Variants in PTPRG observed in about 807,000 individuals in gnomAD.
The protein encoded by PTPRG is receptor-type tyrosine-protein phosphatase gamma.
A neutral mutation model predicts 165.3 loss-of-function variants in PTPRG; 102 were observed. The observed-to-expected ratio is 0.62, with a 90% CI of 0.53 to 0.73. The LOEUF (loss-of-function observed/expected upper bound fraction) is 0.73. PTPRG is among the 30% of genes least tolerant of loss of function. The probability of loss-of-function intolerance (pLI) is 0.00; values close to 1 mark genes in which losing one functional copy is unlikely to be tolerated. For synonymous variants in PTPRG, 675 were observed against 669.5 expected (o/e 1.01, Z -0.13); for missense variants, 1,866 against 1,861.4 (o/e 1.00, Z -0.05).
At chr3:62,165,107 G>A (rs1411561782) in intron 7 of PTPRG, among the ~76,000 whole-genome samples, 1 of 152,154 alleles carries the variant, frequency 6.6e-6, no homozygotes, top group African/African-American at 2.4e-5. Context: ...CTCTGGACAT[G>A]GAGAAGAGCT....
chr3:62,198,285 A>T lies in PTPRG; in HGVS notation c.1327+3115A>T, dbSNP rs373061352. ...TGGTGCAGTAGGGGTTATTTTACAA[A>T]CAGGGAAATGATGGCTTGGGTGCAG... On this transcript the variant is annotated intron_variant, in intron 10 of 29. Coordinates refer to ENST00000474889, the MANE Select transcript of PTPRG (RefSeq NM_002841.4). Among the ~76,000 whole-genome samples, 3 of 152,184 alleles carry T rather than the reference A, an allele frequency of 2.0e-5. No individual in the cohort carries two copies. In the East Asian group the frequency reaches 5.8e-4, roughly 29 times the overall value.
At chr3:61,805,311 A>C (rs1039582176) in intron 2 of PTPRG, among the ~76,000 whole-genome samples, 2 of 152,152 alleles carry the variant, frequency 1.3e-5, no homozygotes, top group Non-Finnish European at 2.9e-5. Flanking sequence ...TCCCCACAAA[A>C]GAATGTTCTG....
At chr3:61,966,375 T>G (rs28658405) in intron 2 of PTPRG, among the ~76,000 whole-genome samples, 2 of 152,126 alleles carry the variant, frequency 1.3e-5, no homozygotes, top group African/African-American at 4.8e-5. Flanking sequence ...GTTATCCTGA[T>G]GAGTGGGGAA....
chr3:61,589,152 G>A (rs1358968317), intron 1 of PTPRG, among the ~76,000 whole-genome samples: 5 of 152,048 alleles, frequency 3.3e-5, no homozygotes, highest in Non-Finnish European at 7.3e-5. Flanking sequence ...CAAATTTCAG[G>A]TCCATAAGTA....
chr3:62,002,618 A>T (rs907135577), intron 3 of PTPRG, among the ~76,000 whole-genome samples: 1 of 152,112 alleles, frequency 6.6e-6, no homozygotes, highest in Non-Finnish European at 1.5e-5. Context: ...TTAGGGTTGG[A>T]ATTTAGTTGA....
chr3:62,134,817 T>C (rs955460912), intron 6 of PTPRG, among the ~76,000 whole-genome samples: 1 of 152,128 alleles, frequency 6.6e-6, no homozygotes, highest in Non-Finnish European at 1.5e-5. Flanking sequence ...CAAGTAAGCA[T>C]ACAAATAAAT....
At chr3:61,917,070 T>C (rs1285319323) in intron 2 of PTPRG, among the ~76,000 whole-genome samples, 1 of 152,190 alleles carries the variant, frequency 6.6e-6, no homozygotes, top group Non-Finnish European at 1.5e-5. Flanking sequence ...GAATCAGCTC[T>C]ACTGGCTGAT....
intron 1 of PTPRG, among the ~76,000 whole-genome samples, chr3:61,604,536 C>G (rs1353633040): frequency 1.3e-5 from 2 of 152,276 alleles, no homozygotes; most frequent in Non-Finnish European, 2.9e-5. Context: ...AGGTATTATT[C>G]TTTGTCACAT....
intron 1 of PTPRG, among the ~76,000 whole-genome samples, chr3:61,575,097 A>G (rs549875273): frequency 3.9e-5 from 6 of 152,346 alleles, no homozygotes; most frequent in African/African-American, 1.2e-4. Flanking sequence ...CTTTAGCGTT[A>G]GAGTTCTTTC....
At chr3:61,792,668 TTTTCTTTCTTTCTTTCTTTCTTTCTTTC>T (rs199609616) in intron 2 of PTPRG, among the ~76,000 whole-genome samples, 24,207 of 118,112 alleles carry the variant, frequency 0.2, 2,930 homozygotes, top group Non-Finnish European at 0.21. Flanking sequence ...TTTTTGTGGG[TTTTCTTTCTTTCTTTCTTTCTTTCTTTC>T]TTTCTTTCTT....
chr3:62,132,940 C>T (rs971644568), intron 6 of PTPRG, among the ~76,000 whole-genome samples: 70 of 152,188 alleles, frequency 4.6e-4, no homozygotes, highest in African/African-American at 1.5e-3. Context: ...ATGTACTATT[C>T]TTATGTGTTG....
chr3:61,784,218 C>T (rs2034627909), intron 2 of PTPRG, among the ~76,000 whole-genome samples: 1 of 152,154 alleles, frequency 6.6e-6, no homozygotes, highest in Non-Finnish European at 1.5e-5. Flanking sequence ...AGGAGCCTGC[C>T]ATCCTATTCC....
At chr3:62,153,807 G>A (rs1364874146) in intron 6 of PTPRG, among the ~76,000 whole-genome samples, 1 of 152,164 alleles carries the variant, frequency 6.6e-6, no homozygotes, top group Non-Finnish European at 1.5e-5. Flanking sequence ...ACAGATAGCG[G>A]AGCTGGTATT....
intron 4 of PTPRG, among the ~76,000 whole-genome samples, chr3:62,073,056 A>G (rs1701261422): frequency 6.6e-6 from 1 of 151,562 alleles, no homozygotes; most frequent in African/African-American, 2.4e-5. Context: ...GGACAATCTG[A>G]GCATCAAAAT....
chr3:62,038,395 A>T (rs1190376586), intron 4 of PTPRG, among the ~76,000 whole-genome samples: 1 of 151,816 alleles, frequency 6.6e-6, no homozygotes, highest in African/African-American at 2.4e-5. Flanking sequence ...TTTTTTCTTT[A>T]TTTTTATTTT....
chr3:61,879,938 T>G (rs2037840080), intron 2 of PTPRG, among the ~76,000 whole-genome samples: 1 of 152,112 alleles, frequency 6.6e-6, no homozygotes, highest in South Asian at 2.1e-4. Flanking sequence ...TGTCAAAAAC[T>G]GAACCAAGGA....
At chr3:61,987,208 A>G (rs1417909214) in intron 2 of PTPRG, among the ~76,000 whole-genome samples, 1 of 152,208 alleles carries the variant, frequency 6.6e-6, no homozygotes, top group Non-Finnish European at 1.5e-5. Flanking sequence ...TCCAAAGAAG[A>G]ATTAATTTGA....
intron 2 of PTPRG, among the ~76,000 whole-genome samples, chr3:61,797,642 G>T (rs1559617364): frequency 7.7e-6 from 1 of 129,960 alleles, no homozygotes; most frequent in Non-Finnish European, 1.6e-5. Context: ...GGTTTTTCAG[G>T]TATGAAACTA....
chr3:61,866,121 T>C (rs1295837782), intron 2 of PTPRG, among the ~76,000 whole-genome samples: 2 of 152,186 alleles, frequency 1.3e-5, no homozygotes, highest in African/African-American at 2.4e-5. Flanking sequence ...ATATGTGATA[T>C]GGATAAGTCA....
Sources: gnomAD v4.1 joint callset for allele counts (sites outside exome capture counted in the v4.1 genomes callset) on GRCh38, gnomAD v4.1.1 for gene constraint, MANE v1.5 for transcripts, NCBI Gene and HGNC (gene_info 2026-07-23, HGNC 2026-07-21) for gene names.